Variants in ELMO1 observed in about 807,000 individuals in gnomAD.
ELMO1 encodes the protein engulfment and cell motility protein 1.
A neutral mutation model predicts 98.9 loss-of-function variants in ELMO1; 26 were observed. The ratio of observed to expected loss-of-function variants is 0.26; its 90% confidence interval spans 0.19 to 0.36. The LOEUF is 0.36. Among genes scored for constraint, ELMO1 ranks in the 10% least tolerant of loss-of-function variants. ELMO1 has a pLI of 1.00. For synonymous variants in ELMO1, 346 were observed against 346.0 expected, an observed-to-expected ratio of 1.00 and a Z score of 0.00; for missense variants, 627 against 935.2, an observed-to-expected ratio of 0.67 and a Z score of 4.30.
chr7:37,252,267 T>G (rs116688790), intron 6 of ELMO1, among the ~76,000 whole-genome samples: 6,979 of 152,264 alleles, frequency 0.046, 379 homozygotes, highest in African/African-American at 0.12. Flanking sequence ...AGAGCCCATA[T>G]AATCTAGACA....
chr7:37,025,314 C>T (rs896372578), intron 15 of ELMO1, among the ~76,000 whole-genome samples: 1 of 152,178 alleles, frequency 6.6e-6, no homozygotes, highest in East Asian at 1.9e-4. Flanking sequence ...AAACACTTAT[C>T]TTGCTAAATA....
chr7:37,164,968 G>A (rs1789544184), intron 13 of ELMO1, among the ~76,000 whole-genome samples: 1 of 151,958 alleles, frequency 6.6e-6, no homozygotes, highest in African/African-American at 2.4e-5. Context: ...TCCTACCCAT[G>A]AGCATGGAAT....
At chr7:37,396,366 T>C (rs1882076) in intron 1 of ELMO1, among the ~76,000 whole-genome samples, 83,315 of 151,814 alleles carry the variant, frequency 0.55, 25,248 homozygotes, top group Non-Finnish European at 0.69. Context: ...CTGGGCAACA[T>C]AGCGAGACTC....
At position 37,293,464 on chromosome 7, in the gene ELMO1, T is replaced by A. The variant is rs185622467; in HGVS notation, c.192+21386A>T. 1.2e-3 allele frequency among the ~76,000 whole-genome samples: 116 copies of A among 93,806 alleles called. 3 individuals carry two copies. The East Asian group carries it at 0.024, about 20-fold the overall frequency. The allele number at this position is 93,806 out of a possible 152,430, so 61.5% of individuals were successfully genotyped here. ...ACACATGTGCTGTATCCACTCAGGG[T>A]TGAATGGATTAAGGGCGGTGCAAGT... On this transcript the variant is annotated intron_variant, in intron 4 of 21. Coordinates refer to ENST00000310758, the MANE Select transcript of ELMO1 (RefSeq NM_014800.11).
At chr7:37,395,015 T>C (rs898307439) in intron 1 of ELMO1, among the ~76,000 whole-genome samples, 3 of 152,140 alleles carry the variant, frequency 2.0e-5, no homozygotes, top group African/African-American at 2.4e-5. Flanking sequence ...ATCATAAGCA[T>C]AGCTGGGAGT....
At position 36,894,921 on chromosome 7, in the gene ELMO1, T is replaced by C. The variant is rs746880873; in HGVS notation, c.1534A>G (p.Thr512Ala). The C allele has an allele frequency of 2.5e-6, 4 of 1,614,106 alleles. No individual in the cohort carries two copies. The highest frequency in any genetic ancestry group is 2.7e-5 in the African/African-American group (2 of 75,026). ...FKSKLQNLSY[T>A]EILKIRQSER... is the part of the protein sequence containing the mutation. ...GACTGGCGGATTTTCAGGATCTCAG[T>C]GTAGCTCAGGTTCTGCAGTTTGCTC... is the stretch of plus-strand genomic sequence containing the variant. Residue 512 changes from threonine to alanine, a missense_variant, in exon 17 of 22, where the codon ACT (threonine) becomes GCT (alanine). By Grantham distance (58) the Thr-to-Ala change is moderately conservative. Coordinates refer to ENST00000310758, the MANE Select transcript of ELMO1 (RefSeq NM_014800.11).
chr7:37,231,441 A>G (rs1794170881), intron 8 of ELMO1, among the ~76,000 whole-genome samples: 1 of 152,188 alleles, frequency 6.6e-6, no homozygotes, highest in South Asian at 2.1e-4. Context: ...TCATATGCCC[A>G]TGAAAGGATG....
chr7:37,044,852 A>G (rs1348660954), intron 15 of ELMO1, among the ~76,000 whole-genome samples: 2 of 152,126 alleles, frequency 1.3e-5, no homozygotes, highest in Admixed American at 6.5e-5. Flanking sequence ...TCCCTTCTTT[A>G]ATAAAGTATG....
intron 1 of ELMO1, among the ~76,000 whole-genome samples, chr7:37,381,329 A>G (rs1802571917): frequency 6.6e-6 from 1 of 152,212 alleles, no homozygotes; most frequent in African/African-American, 2.4e-5. Flanking sequence ...TCAGAGTACC[A>G]TTTCTCTAAT....
chr7:37,123,880 A>C (rs1786287286), intron 14 of ELMO1, among the ~76,000 whole-genome samples: 1 of 152,198 alleles, frequency 6.6e-6, no homozygotes, highest in Admixed American at 6.5e-5. Flanking sequence ...TTGATGCAAA[A>C]ATCCTCAGTA....
chr7:37,097,197 G>A (rs1298988995), intron 14 of ELMO1, among the ~76,000 whole-genome samples: 1 of 152,150 alleles, frequency 6.6e-6, no homozygotes, highest in African/African-American at 2.4e-5. Context: ...CCTGGAAAAT[G>A]TGACATGATG....
intron 13 of ELMO1, among the ~76,000 whole-genome samples, chr7:37,163,776 T>G (rs1013823509): frequency 6.6e-6 from 1 of 152,184 alleles, no homozygotes; most frequent in Non-Finnish European, 1.5e-5. Flanking sequence ...TTTGCTATTG[T>G]GAATAGTGCC....
intron 1 of ELMO1, among the ~76,000 whole-genome samples, chr7:37,409,132 GAA>G (rs34728296): frequency 3.6e-5 from 5 of 138,436 alleles, no homozygotes; most frequent in African/African-American, 2.7e-5. Flanking sequence ...TTTTGCAAGT[GAA>G]AAAAAAAAAA....
chr7:36,976,852 A>G (rs544212826), intron 16 of ELMO1, among the ~76,000 whole-genome samples: 1 of 152,332 alleles, frequency 6.6e-6, no homozygotes, highest in South Asian at 2.1e-4. Context: ...AAGTCTTCAC[A>G]CCATTCAGGA....
intron 8 of ELMO1, among the ~76,000 whole-genome samples, chr7:37,231,665 C>T (rs1317584937): frequency 6.6e-6 from 1 of 152,090 alleles, no homozygotes; most frequent in Non-Finnish European, 1.5e-5. Context: ...GGCATGACAA[C>T]CAAATTCAGT....
At chr7:37,161,998 CA>C (rs1189883859) in intron 13 of ELMO1, among the ~76,000 whole-genome samples, 10 of 116,022 alleles carry the variant, frequency 8.6e-5, no homozygotes, top group South Asian at 8.5e-4. Flanking sequence ...TAGGTCAACA[CA>C]AAAAAAAAGG....
At chr7:37,357,811 T>C (rs373032523) in intron 1 of ELMO1, among the ~76,000 whole-genome samples, 1 of 152,248 alleles carries the variant, frequency 6.6e-6, no homozygotes, top group South Asian at 2.1e-4. Context: ...AGCATGGCCA[T>C]ACGGCCATAC....
chr7:36,864,846 C>T (rs937400546), intron 20 of ELMO1, among the ~76,000 whole-genome samples: 15 of 152,160 alleles, frequency 9.9e-5, no homozygotes, highest in African/African-American at 3.6e-4. Flanking sequence ...CTAGAAGCAG[C>T]TTCTCTCCAT....
chr7:37,036,524 C>T (rs1795183393), intron 15 of ELMO1, among the ~76,000 whole-genome samples: 1 of 152,108 alleles, frequency 6.6e-6, no homozygotes, highest in Non-Finnish European at 1.5e-5. Context: ...TAAGTGCCAC[C>T]ACATCATCTA....
Sources: allele counts gnomAD v4.1 joint callset (sites outside exome capture counted in the v4.1 genomes callset), GRCh38; gene constraint gnomAD v4.1.1; transcripts MANE v1.5; gene names NCBI Gene and HGNC (gene_info 2026-07-23, HGNC 2026-07-21).